The following VPS54 variants were observed in gnomAD, a reference collection of about 807,000 sequenced individuals.
VPS54 encodes VPS54 subunit of GARP complex.
VPS54 carries 45 observed loss-of-function variants against 121.5 expected under a neutral mutation model. The observed-to-expected ratio is 0.37, with a 90% CI of 0.29 to 0.47. The LOEUF (loss-of-function observed/expected upper bound fraction) is 0.47, where lower values mean the gene tolerates loss of function less well. VPS54 is among the 20% of genes least tolerant of loss of function. The pLI, the probability that VPS54 is intolerant of heterozygous loss-of-function variation, is 0.99. For missense variants in VPS54, 1,090 were observed against 1,131.4 expected (o/e 0.96, Z 0.52); for synonymous variants, 371 against 385.8 (o/e 0.96, Z 0.45).
chr2:63,974,552 T>C (rs74744144), intron 3 of VPS54, among the ~76,000 whole-genome samples: 2,008 of 152,322 alleles, frequency 0.013, 58 homozygotes, highest in African/African-American at 0.046. Context: ...CTTGACAATA[T>C]TGAGCCTTCC....
Position 63,893,269 on chromosome 2 carries a change from C to T in VPS54, c.*161G>A, listed in dbSNP as rs1211537153. On this transcript the variant is annotated 3_prime_UTR_variant, in exon 23 of 23. Transcript: ENST00000272322. ...AAAATGACATTCCTTGTAGATCCCA[C>T]TGAATCCAGTTTCCCAACACTTGAT... The T allele has an allele frequency of 2.7e-6, 2 of 744,768 alleles. No homozygotes were observed. Among genetic ancestry groups the T allele is most frequent in the Non-Finnish European group, 4.9e-6 (2 of 409,122 alleles). 46.1% of individuals were successfully genotyped at this position (744,768 alleles called of 1,614,324 possible).
chr2:63,949,748 A>ACTCAGTATAACTT (rs1377821681), intron 7 of VPS54, among the ~76,000 whole-genome samples: 1 of 152,108 alleles, frequency 6.6e-6, no homozygotes, highest in Non-Finnish European at 1.5e-5. Context: ...AGGCAGGCAC[A>ACTCAGTATAACTT]CTCAGTATAA....
At position 63,893,317 on chromosome 2, in the gene VPS54, A is replaced by C. The variant is rs762447612; in HGVS notation, c.*113T>G. 1 of 915,674 alleles carries C rather than the reference A, an allele frequency of 1.1e-6. No individual in the cohort carries two copies. Among genetic ancestry groups the C allele is most frequent in the Admixed American group, 1.7e-5 (1 of 59,074 alleles). The allele number at this position is 915,674 out of a possible 1,614,324, so 56.7% of individuals were successfully genotyped here. ...GATACTTTCCTTTTTCCCTTCCCCCACCCCAGTTCACTTTGGGTTTCAGGT... is the reference window on the plus strand; with the variant it reads ...GATACTTTCCTTTTTCCCTTCCCCCCCCCCAGTTCACTTTGGGTTTCAGGT... On this transcript the variant is annotated 3_prime_UTR_variant, in exon 23 of 23. Coordinates refer to ENST00000272322, the MANE Select transcript of VPS54 (RefSeq NM_016516.3).
chr2:63,939,807 C>T (rs938525147), intron 11 of VPS54, among the ~76,000 whole-genome samples: 2 of 151,520 alleles, frequency 1.3e-5, no homozygotes, highest in African/African-American at 4.8e-5. Context: ...CGTCACCAGG[C>T]TGGAGTACAG....
chr2:63,970,312 T>TATATATAGATATATATAGATATAAAA (rs1676225220), intron 4 of VPS54, among the ~76,000 whole-genome samples: 1 of 147,676 alleles, frequency 6.8e-6, no homozygotes, highest in African/African-American at 2.5e-5. Flanking sequence ...TAGATATAGA[T>TATATATAGATATATATAGATATAAAA]AAAACCCAGG....
At chr2:64,007,101 TAACA>T (rs1190239071) in intron 1 of VPS54, among the ~76,000 whole-genome samples, 1 of 152,068 alleles carries the variant, frequency 6.6e-6, no homozygotes, top group Non-Finnish European at 1.5e-5. Context: ...AAAACAGCAA[TAACA>T]AACTAAACCA....
At chr2:63,920,210 G>T (rs994473152) in intron 14 of VPS54, among the ~76,000 whole-genome samples, 3 of 151,834 alleles carry the variant, frequency 2.0e-5, no homozygotes, top group Admixed American at 6.6e-5. Flanking sequence ...ACTTTGAGTG[G>T]GAACAAAAGT....
intron 11 of VPS54, among the ~76,000 whole-genome samples, chr2:63,935,866 C>T (rs567236930): frequency 2.0e-5 from 3 of 152,096 alleles, no homozygotes; most frequent in African/African-American, 7.2e-5. Flanking sequence ...GTGAAAAATT[C>T]TAAATTTGGC....
At chr2:64,002,003 T>C (rs1025297157) in intron 1 of VPS54, among the ~76,000 whole-genome samples, 4 of 152,204 alleles carry the variant, frequency 2.6e-5, no homozygotes, top group African/African-American at 9.6e-5. Context: ...TGGCAAGGCT[T>C]GCCAGAACTC....
chr2:63,922,138 A>T (rs1437175726), intron 12 of VPS54, among the ~76,000 whole-genome samples: 1 of 152,228 alleles, frequency 6.6e-6, no homozygotes, highest in Non-Finnish European at 1.5e-5. Flanking sequence ...GCTTTCAAGG[A>T]ACCTAAACTC....
intron 6 of VPS54, among the ~76,000 whole-genome samples, 173 bp downstream of exon 6, chr2:63,965,662 T>C (rs191821385): frequency 1.1e-3 from 173 of 152,294 alleles, no homozygotes; most frequent in African/African-American, 4.0e-3. Context: ...TTGTGTTCCA[T>C]TGAACCAAAA....
At chr2:63,896,857 T>G (rs1195958313) in intron 22 of VPS54, among the ~76,000 whole-genome samples, 2 of 152,158 alleles carry the variant, frequency 1.3e-5, no homozygotes, top group Non-Finnish European at 2.9e-5. Flanking sequence ...CAAAAAATCC[T>G]ATTAAGGAAA....
rs1395625488 is a variant in VPS54 at position 63,919,947 on chromosome 2, T to C, written c.2100A>G (p.Glu700=). The C allele has an allele frequency of 1.9e-6, 3 of 1,612,408 alleles. No homozygotes were observed. In the South Asian group the frequency reaches 3.3e-5, roughly 18 times the overall value. Residue 700 remains glutamate (E), a synonymous_variant, in exon 15 of 23, where the codon GAA becomes GAG. Coordinates refer to ENST00000272322, the MANE Select transcript of VPS54 (RefSeq NM_016516.3). ...ERWKQADVPA[E]FQDLVDSLSD... ...ACAGAGAATCAACAAGATCCTGAAA[T>C]TCTGCAGGAACATCTGCTTGCTTCC...
intron 11 of VPS54, among the ~76,000 whole-genome samples, chr2:63,940,374 T>C (rs550451974): frequency 6.6e-6 from 1 of 152,298 alleles, no homozygotes; most frequent in South Asian, 2.1e-4. Flanking sequence ...GTTTAAGTGG[T>C]CCAAATGTGA....
chr2:63,949,058 A>G lies in VPS54; in HGVS notation c.1116T>C (p.Asp372=). The G allele has an allele frequency of 1.2e-6, 2 of 1,611,290 alleles. No homozygotes were observed. The highest frequency in any genetic ancestry group is 1.7e-6 in the Non-Finnish European group (2 of 1,179,066). Residue 372 remains aspartate (D), a synonymous_variant, in exon 8 of 23, where the codon GAT becomes GAC. Transcript: ENST00000272322. ...ATACCTCTTCTAAAACTTGACAGTCATCTTCCAGTGGTCTATTTAAGTCAC... is the reference window on the plus strand; with the variant it reads ...ATACCTCTTCTAAAACTTGACAGTCGTCTTCCAGTGGTCTATTTAAGTCAC... The part of the protein sequence containing the change: ...SHSDLNRPLE[D]DCQVLEEERL...
intron 1 of VPS54, among the ~76,000 whole-genome samples, chr2:64,012,650 G>C (rs1201642912): frequency 1.3e-5 from 2 of 148,236 alleles, no homozygotes; most frequent in Non-Finnish European, 3.0e-5. Flanking sequence ...TTTTCTATTA[G>C]TTATTCCCCA....
At chr2:63,946,593 T>C (rs1674990432) in intron 9 of VPS54, among the ~76,000 whole-genome samples, 1 of 152,112 alleles carries the variant, frequency 6.6e-6, no homozygotes, top group Non-Finnish European at 1.5e-5. Flanking sequence ...ACATTCAACC[T>C]AATGATAATA....
intron 21 of VPS54, among the ~76,000 whole-genome samples, 178 bp from the exon 22 acceptor site, chr2:63,897,768 T>C (rs1672506400): frequency 6.6e-6 from 1 of 152,182 alleles, no homozygotes; most frequent in African/African-American, 2.4e-5. Context: ...TTCTCCTTAG[T>C]TGGAAAAACC....
chr2:63,992,483 T>C (rs1030865549), intron 1 of VPS54, among the ~76,000 whole-genome samples: 1 of 152,272 alleles, frequency 6.6e-6, no homozygotes, highest in African/African-American at 2.4e-5. Flanking sequence ...GTTTAGGTTA[T>C]CCTTTTTAAT....
Sources: gnomAD v4.1 joint callset for allele counts (sites outside exome capture counted in the v4.1 genomes callset) on GRCh38, gnomAD v4.1.1 for gene constraint, MANE v1.5 for transcripts, NCBI Gene and HGNC (gene_info 2026-07-23, HGNC 2026-07-21) for gene names.